MAPK4: variants seen among roughly 807,000 people sequenced by gnomAD.
MAPK4 encodes Erk3-related.
A neutral mutation model predicts 47.7 loss-of-function variants in MAPK4; 22 were observed. That is an observed-to-expected ratio of 0.46 (90% CI 0.33 to 0.66). The LOEUF (loss-of-function observed/expected upper bound fraction) is 0.66, where lower values mean the gene tolerates loss of function less well. Ranked by LOEUF, MAPK4 falls within the 30% of genes least tolerant of loss-of-function variation. The probability of loss-of-function intolerance (pLI) is 0.02; values close to 1 mark genes in which losing one functional copy is unlikely to be tolerated. For synonymous variants in MAPK4, 390 were observed against 365.7 expected (o/e 1.07, Z -0.76); for missense variants, 736 against 831.7 (o/e 0.88, Z 1.42).
chr18:50,603,919 A>G (rs755004751), intron 1 of MAPK4, among the ~76,000 whole-genome samples: 4 of 152,192 alleles, frequency 2.6e-5, no homozygotes, highest in Non-Finnish European at 5.9e-5. Context: ...TGGGGCCTTT[A>G]CTTGGAACTT....
intron 2 of MAPK4, among the ~76,000 whole-genome samples, chr18:50,672,988 C>T (rs763480826): frequency 2.0e-5 from 3 of 152,200 alleles, no homozygotes; most frequent in Non-Finnish European, 4.4e-5. Flanking sequence ...GATTAAATGG[C>T]TCAAAGTGCT....
chr18:50,729,812 C>T lies in MAPK4; in HGVS notation c.1722C>T (p.Gly574=), dbSNP rs963636818. 1 of 1,612,162 alleles carries T rather than the reference C, an allele frequency of 6.2e-7. No homozygotes were observed. The highest frequency in any genetic ancestry group is 8.5e-7 in the Non-Finnish European group (1 of 1,179,612). Residue 574 remains glycine (G), a synonymous_variant, in exon 6 of 6, where the codon GGC becomes GGT. Transcript: ENST00000400384. ...GTGCGTGCATCCCCGAGCACCCTGG[C>T]GACCTCGTGCAGACCGAGGCCTTCT... ...LNGACIPEHP[G]DLVQTEAFSK... is the part of the protein sequence containing the mutation.
At chr18:50,560,485 C>G (rs1013745188) in intron 1 of MAPK4, among the ~76,000 whole-genome samples, 1 of 152,182 alleles carries the variant, frequency 6.6e-6, no homozygotes, top group African/African-American at 2.4e-5. Flanking sequence ...GACCGCGCGC[C>G]GGTGCTGTCC....
At chr18:50,722,359 C>T (rs746285009) in intron 4 of MAPK4, among the ~76,000 whole-genome samples, 26 of 149,748 alleles carry the variant, frequency 1.7e-4, no homozygotes, top group African/African-American at 6.1e-4. Flanking sequence ...TCCTTGCTCA[C>T]CTTCCTCCCT....
intron 1 of MAPK4, chr18:50,560,817 G>T (rs74641878): frequency 0.04 from 6,137 of 152,494 alleles, 226 homozygotes; most frequent in East Asian, 0.15. Context: ...GCCGCTGGGC[G>T]ACCCAGAGCC....
intron 2 of MAPK4, among the ~76,000 whole-genome samples, chr18:50,682,173 A>C (rs1908625199): frequency 6.6e-6 from 1 of 152,210 alleles, no homozygotes; most frequent in African/African-American, 2.4e-5. Flanking sequence ...TACCTTGTGA[A>C]TAAACTAAAA....
chr18:50,681,443 C>T (rs545034889), intron 2 of MAPK4, among the ~76,000 whole-genome samples: 2 of 152,146 alleles, frequency 1.3e-5, no homozygotes, highest in East Asian at 3.9e-4. Context: ...TAGTTTATGT[C>T]CTTTTTCTTT....
intron 1 of MAPK4, among the ~76,000 whole-genome samples, chr18:50,600,111 A>G (rs1049506689): frequency 3.3e-5 from 5 of 152,204 alleles, no homozygotes; most frequent in Admixed American, 1.3e-4. Context: ...GTGTATTCTA[A>G]TCATTTCCCC....
At chr18:50,629,405 T>C (rs1230621690) in intron 1 of MAPK4, 1 of 152,150 alleles carries the variant, frequency 6.6e-6, no homozygotes. Flanking sequence ...GGATGGAAAG[T>C]TTTCAGCAAA....
intron 1 of MAPK4, among the ~76,000 whole-genome samples, chr18:50,611,716 G>A (rs2042636816): frequency 6.6e-6 from 1 of 152,178 alleles, no homozygotes. Flanking sequence ...AAGATAAAAT[G>A]GCCCAGAGGA....
intron 1 of MAPK4, among the ~76,000 whole-genome samples, chr18:50,577,313 AT>A (rs2042306360): frequency 6.6e-6 from 1 of 152,158 alleles, no homozygotes; most frequent in South Asian, 2.1e-4. Flanking sequence ...TGTGTTACAC[AT>A]TTGTGCCCAG....
At chr18:50,674,541 G>C (rs1908152255) in intron 2 of MAPK4, among the ~76,000 whole-genome samples, 1 of 152,104 alleles carries the variant, frequency 6.6e-6, no homozygotes, top group African/African-American at 2.4e-5. Context: ...TAACTGACTT[G>C]TCACCATTCC....
At chr18:50,638,827 C>T (rs1454471600) in intron 1 of MAPK4, among the ~76,000 whole-genome samples, 1 of 152,178 alleles carries the variant, frequency 6.6e-6, no homozygotes, top group East Asian at 1.9e-4. Flanking sequence ...TCCTTGTGTA[C>T]ATGATCTCCA....
At chr18:50,570,710 C>T (rs539639242) in intron 1 of MAPK4, among the ~76,000 whole-genome samples, 1 of 152,280 alleles carries the variant, frequency 6.6e-6, no homozygotes, top group African/African-American at 2.4e-5. Context: ...TTTTAGAATG[C>T]TTTTCTGCAT....
At position 50,678,806 on chromosome 18, in the gene MAPK4, C is replaced by A. The variant is rs1406024951; in HGVS notation, c.546+14302C>A. On this transcript the variant is annotated intron_variant, in intron 2 of 5. Coordinates refer to ENST00000400384, the MANE Select transcript of MAPK4 (RefSeq NM_002747.4). The surrounding 1 kb of genome is among the most constrained non-coding windows in gnomAD (Gnocchi z 4.2). ...CCCCTTGTTTTCTGGGTGAAGGCAG[C>A]AGGAAAGGGGGAGCCATTCCTTGCC... 1.3e-5 allele frequency among the ~76,000 whole-genome samples: 2 copies of A among 152,172 alleles called. No individual in the cohort carries two copies. Among genetic ancestry groups the A allele is most frequent in the Non-Finnish European group, 2.9e-5 (2 of 68,042 alleles).
Position 50,731,536 on chromosome 18 carries a change from GAATT to G in MAPK4, c.*1686_*1689del, listed in dbSNP as rs1204914600. 3.3e-5 allele frequency: 5 copies of G among 152,534 alleles called. No homozygotes were observed. Among genetic ancestry groups the G allele is most frequent in the East Asian group, 1.9e-4 (1 of 5,186 alleles). The allele number at this position is 152,534 out of a possible 1,614,324, so 9.4% of individuals were successfully genotyped here. A position where few individuals can be genotyped will look rare whatever the true frequency, so the allele number is the denominator to read the frequency against. ...CATTAGAAACTTATATTTAAAAACA[GAATT>G]AATCACACTGACCAACTTTTAAATG... On this transcript the variant is annotated 3_prime_UTR_variant, in exon 6 of 6. Transcript: ENST00000400384.
In MAPK4 at chr18:50,729,879, C is replaced by T. The variant is rs981896699; in HGVS notation, c.*25C>T. The T allele has an allele frequency of 3.2e-6, 5 of 1,558,738 alleles. No individual in the cohort carries two copies. The highest frequency in any genetic ancestry group is 2.3e-5 in the East Asian group (1 of 42,982). ...AGGGCGGAGGGGCCGCTCCAGGCCC[C>T]ACAGAGCAGGAGACCCCCAGAGAAA... is the stretch of plus-strand genomic sequence containing the variant. On this transcript the variant is annotated 3_prime_UTR_variant, in exon 6 of 6. Transcript: ENST00000400384.
intron 2 of MAPK4, among the ~76,000 whole-genome samples, chr18:50,714,853 A>G (rs1009725942): frequency 1.3e-5 from 2 of 152,154 alleles, no homozygotes. Flanking sequence ...GAACCCTCGG[A>G]TCTCGTAAGA....
intron 4 of MAPK4, among the ~76,000 whole-genome samples, chr18:50,725,119 T>G (rs1911124655): frequency 6.6e-6 from 1 of 152,190 alleles, no homozygotes; most frequent in Admixed American, 6.5e-5. Context: ...GGCTTCTGAG[T>G]GTCCCTTCCC....
Sources: allele counts gnomAD v4.1 joint callset (sites outside exome capture counted in the v4.1 genomes callset), GRCh38; gene constraint gnomAD v4.1.1; non-coding constraint Gnocchi (gnomAD v3.1); transcripts MANE v1.5; gene names NCBI Gene and HGNC (gene_info 2026-07-23, HGNC 2026-07-21).